Variants in USP34 observed in about 807,000 individuals in gnomAD.
The protein encoded by USP34 is ubiquitin carboxyl-terminal hydrolase 34.
Under a neutral mutation model 460.3 loss-of-function variants are expected in USP34, and 70 were observed. The observed-to-expected ratio is 0.15, with a 90% CI of 0.13 to 0.19. The LOEUF (loss-of-function observed/expected upper bound fraction) is 0.19, where lower values mean the gene tolerates loss of function less well. Ranked by LOEUF, USP34 falls within the 10% of genes least tolerant of loss-of-function variation. USP34 has a pLI of 1.00. For missense variants in USP34, 3,985 were observed against 4,236.2 expected, an observed-to-expected ratio of 0.94 and a Z score of 1.65; for synonymous variants, 1,647 against 1,405.3, an observed-to-expected ratio of 1.17 and a Z score of -3.85.
intron 2 of USP34, among the ~76,000 whole-genome samples, chr2:61,410,905 G>A (rs1243955079): frequency 6.6e-6 from 1 of 152,106 alleles, no homozygotes; most frequent in Non-Finnish European, 1.5e-5. Flanking sequence ...AAGAACATAA[G>A]ATATCTCTAA....
chr2:61,311,490 A>AAAG (rs1296442687), intron 27 of USP34, 50 bp downstream of exon 27: 10 of 1,526,634 alleles, frequency 6.6e-6, no homozygotes, highest in Non-Finnish European at 7.9e-6. Flanking sequence ...GAAAGAGAAA[A>AAAG]AGAAAGAAAG....
intron 1 of USP34, among the ~76,000 whole-genome samples, chr2:61,423,485 A>C (rs1024504394): frequency 6.6e-6 from 1 of 152,216 alleles, no homozygotes; most frequent in Admixed American, 6.5e-5. Flanking sequence ...AAAATGAAAC[A>C]AGGAGGAAAA....
chr2:61,313,726 T>C (rs1042972615), intron 25 of USP34, among the ~76,000 whole-genome samples: 2 of 152,184 alleles, frequency 1.3e-5, no homozygotes, highest in African/African-American at 2.4e-5. Context: ...AGAATTTCCA[T>C]GAATTGCAAT....
At chr2:61,386,955 G>A (rs566202575) in intron 5 of USP34, among the ~76,000 whole-genome samples, 6 of 152,156 alleles carry the variant, frequency 3.9e-5, no homozygotes, top group East Asian at 1.9e-4. Flanking sequence ...AAAGCAACAC[G>A]AGAGTGGAAG....
intron 10 of USP34, among the ~76,000 whole-genome samples, chr2:61,352,183 T>C (rs1425430696): frequency 6.6e-6 from 1 of 152,170 alleles, no homozygotes; most frequent in Non-Finnish European, 1.5e-5. Context: ...TTTGTAGCAG[T>C]TCAAATTTTA....
intron 1 of USP34, among the ~76,000 whole-genome samples, chr2:61,450,008 G>A (rs535214231): frequency 6.6e-6 from 1 of 152,126 alleles, no homozygotes; most frequent in Non-Finnish European, 1.5e-5. Context: ...AGAGCCTGCA[G>A]TGAACAAAGT....
chr2:61,196,468 G>A (rs568460080), intron 75 of USP34, among the ~76,000 whole-genome samples: 3 of 151,714 alleles, frequency 2.0e-5, no homozygotes, highest in African/African-American at 4.8e-5. Context: ...CAAGTGATCC[G>A]CCTGCCTTGG....
intron 10 of USP34, among the ~76,000 whole-genome samples, chr2:61,366,756 A>G (rs893019178): frequency 2.6e-5 from 4 of 152,170 alleles, no homozygotes; most frequent in Admixed American, 2.6e-4. Flanking sequence ...TCTCTTAGAA[A>G]TATGAATGTG....
At chr2:61,256,064 T>A (rs1271678089) in intron 48 of USP34, among the ~76,000 whole-genome samples, 1 of 152,150 alleles carries the variant, frequency 6.6e-6, no homozygotes, top group East Asian at 1.9e-4. Flanking sequence ...CTTAAGAAAA[T>A]GTCACAAAAG....
intron 34 of USP34, among the ~76,000 whole-genome samples, chr2:61,288,121 C>A (rs952911039): frequency 6.6e-6 from 1 of 152,198 alleles, no homozygotes; most frequent in Non-Finnish European, 1.5e-5. Context: ...CCAGCTTTAT[C>A]AGGTCCCCTC....
Position 61,284,927 on chromosome 2 carries a change from A to T in USP34, c.4780T>A (p.Leu1594Met), listed in dbSNP as rs1418980384. 2 of 1,611,264 alleles carry T rather than the reference A, an allele frequency of 1.2e-6. No homozygotes were observed. The highest frequency in any genetic ancestry group is 2.7e-5 in the African/African-American group (2 of 74,872). Reference sequence around the variant, plus strand: ...GCAACAGACATAAGTCGCTGAATCAAACTGGTTCCTTGGACAAGAACAAGA... The same window carrying T: ...GCAACAGACATAAGTCGCTGAATCATACTGGTTCCTTGGACAAGAACAAGA... ...VFLVLVQGTS[L>M]IQRLMSVAYT... is the part of the protein sequence containing the mutation. Residue 1594 changes from leucine (L) to methionine (M), a missense_variant, in exon 35 of 80, where the codon TTG becomes ATG. Leu to Met is a conservative substitution (Grantham distance 15). Around this residue, in one of 14 missense-constraint regions of USP34, gnomAD observed 1,114 missense variants for 1,122.5 expected, o/e 0.99. Transcript: ENST00000398571.
intron 8 of USP34, among the ~76,000 whole-genome samples, chr2:61,373,565 C>T (rs1435920978): frequency 6.6e-6 from 1 of 150,830 alleles, no homozygotes; most frequent in African/African-American, 2.4e-5. Flanking sequence ...ACATTTAAAA[C>T]GAAAAAAAGG....
intron 18 of USP34, among the ~76,000 whole-genome samples, chr2:61,338,063 TG>T (rs1365697477): frequency 6.6e-6 from 1 of 152,244 alleles, no homozygotes; most frequent in Non-Finnish European, 1.5e-5. Flanking sequence ...GACTCACGCC[TG>T]TAATCCCAGC....
intron 1 of USP34, among the ~76,000 whole-genome samples, chr2:61,441,112 A>G (rs1694952327): frequency 6.9e-6 from 1 of 144,972 alleles, no homozygotes; most frequent in African/African-American, 2.6e-5. Flanking sequence ...TGGACAACTG[A>G]GTGAGAGCCG....
chr2:61,380,217 A>G lies in USP34; in HGVS notation c.966T>C (p.Phe322=), dbSNP rs781467229. ...ACCTCATAGTCAAAGTAGGTGACAT[A>G]AAGTACTTAAATGCAAGATCTAGGC... The part of the protein sequence containing the change: ...KESLDLAFKY[F]MSPTLTMRLA... The change falls in exon 7 of 80, where the codon TTT becomes TTC. Residue 322 remains phenylalanine (F), a synonymous_variant. Coordinates refer to ENST00000398571, the MANE Select transcript of USP34 (RefSeq NM_014709.4). The G allele has an allele frequency of 9.9e-6, 16 of 1,614,036 alleles. No homozygotes were observed. The South Asian group carries it at 1.5e-4, about 16-fold the overall frequency.
chr2:61,351,423 A>C (rs1434618548), intron 10 of USP34, among the ~76,000 whole-genome samples: 1 of 152,086 alleles, frequency 6.6e-6, no homozygotes, highest in African/African-American at 2.4e-5. Context: ...ATGAGGGACA[A>C]TATTTATGAA....
intron 49 of USP34, among the ~76,000 whole-genome samples, chr2:61,247,932 A>G (rs935730021): frequency 3.3e-5 from 5 of 152,154 alleles, no homozygotes; most frequent in African/African-American, 1.2e-4. Flanking sequence ...CACACCTGTA[A>G]TCCAAGCACT....
At chr2:61,246,534 G>C in intron 49 of USP34, 57 bp from the exon 50 acceptor site, 3 of 1,173,672 alleles carry the variant, frequency 2.6e-6, no homozygotes, top group Non-Finnish European at 3.4e-6. Flanking sequence ...CAGTTACTTA[G>C]AAACACTTTT....
At chr2:61,211,476 G>A (rs1347750538) in intron 69 of USP34, among the ~76,000 whole-genome samples, 1 of 152,138 alleles carries the variant, frequency 6.6e-6, no homozygotes, top group Non-Finnish European at 1.5e-5. Flanking sequence ...GAGGCCTCTA[G>A]AACTGAACTA....
Sources: allele counts gnomAD v4.1 joint callset (sites outside exome capture counted in the v4.1 genomes callset), GRCh38; gene constraint gnomAD v4.1.1; regional missense constraint gnomAD v4.1.1; transcripts MANE v1.5; gene names NCBI Gene and HGNC (gene_info 2026-07-23, HGNC 2026-07-21).